The following CEP85L variants were observed in gnomAD, a reference collection of about 807,000 sequenced individuals.
CEP85L encodes centrosomal protein 85L.
Under a neutral mutation model 100.3 loss-of-function variants are expected in CEP85L, and 60 were observed. The ratio of observed to expected loss-of-function variants is 0.60; its 90% CI spans 0.49 to 0.74. CEP85L has a LOEUF of 0.74. Among genes scored for constraint, CEP85L ranks in the 30% least tolerant of loss-of-function variants. The pLI, the probability that CEP85L is intolerant of heterozygous loss-of-function variation, is 0.00. For synonymous variants in CEP85L, 319 were observed against 322.7 expected, an observed-to-expected ratio of 0.99 and a Z score of 0.12; for missense variants, 973 against 936.2, an observed-to-expected ratio of 1.04 and a Z score of -0.51.
intron 1 of CEP85L, among the ~76,000 whole-genome samples, chr6:118,672,032 C>T (rs761250709): frequency 1.6e-4 from 25 of 152,080 alleles, no homozygotes; most frequent in Non-Finnish European, 2.9e-4. Context: ...GTATTATTCT[C>T]TTTTTTTGTT....
At chr6:118,598,901 T>C (rs943712376) in intron 2 of CEP85L, among the ~76,000 whole-genome samples, 1 of 152,088 alleles carries the variant, frequency 6.6e-6, no homozygotes, top group Non-Finnish European at 1.5e-5. Context: ...CTTCTAACTG[T>C]TGGAGAGGGA....
chr6:118,465,151 G>C lies in CEP85L; in HGVS notation c.*254C>G, dbSNP rs1772424690. On this transcript the variant is annotated 3_prime_UTR_variant, in exon 13 of 13. Transcript: ENST00000368491. ...TCACAGCTTGGTCCTACAATCAGTA[G>C]TTTGAGAATATAGACATTTTTTTCC... is the stretch of plus-strand genomic sequence containing the variant. The C allele has an allele frequency of 2.5e-6, 1 of 396,288 alleles. No homozygotes were observed. The highest frequency in any genetic ancestry group is 4.6e-6 in the Non-Finnish European group (1 of 219,084). 24.5% of individuals were successfully genotyped at this position (396,288 alleles called of 1,614,324 possible).
chr6:118,634,195 G>A (rs1025156756), intron 1 of CEP85L, among the ~76,000 whole-genome samples: 2 of 152,084 alleles, frequency 1.3e-5, no homozygotes. Flanking sequence ...AATGCCTTCT[G>A]GCAGTTTAAA....
At chr6:118,556,186 G>A (rs901737635) in intron 3 of CEP85L, among the ~76,000 whole-genome samples, 7 of 152,164 alleles carry the variant, frequency 4.6e-5, no homozygotes, top group African/African-American at 7.2e-5. Flanking sequence ...TTGTTGGGTC[G>A]AATGGTAGTT....
chr6:118,676,797 C>G (rs979984164), intron 1 of CEP85L, among the ~76,000 whole-genome samples: 1 of 152,142 alleles, frequency 6.6e-6, no homozygotes, highest in Admixed American at 6.5e-5. Flanking sequence ...AATTTACATT[C>G]TCATCAACAG....
chr6:118,652,594 A>G, upstream of CEP85L: 1 of 1,484,180 alleles, frequency 6.7e-7, no homozygotes, highest in Non-Finnish European at 9.0e-7. Flanking sequence ...TCTTGCTAAC[A>G]AAGGCCTCAT....
intron 2 of CEP85L, among the ~76,000 whole-genome samples, chr6:118,623,609 C>T (rs1224007139): frequency 1.3e-5 from 2 of 152,114 alleles, no homozygotes; most frequent in Admixed American, 1.3e-4. Context: ...AAAGTATCTC[C>T]CATGGCCACT....
intron 8 of CEP85L, among the ~76,000 whole-genome samples, chr6:118,481,253 T>C (rs1773761527): frequency 6.6e-6 from 1 of 151,848 alleles, no homozygotes; most frequent in Non-Finnish European, 1.5e-5. Flanking sequence ...TTTTTTTTTA[T>C]AAAGCCATTA....
intron 2 of CEP85L, among the ~76,000 whole-genome samples, chr6:118,580,104 G>C (rs1434208528): frequency 6.6e-6 from 1 of 152,132 alleles, no homozygotes; most frequent in Non-Finnish European, 1.5e-5. Context: ...AGCTCCTCCA[G>C]CCTCCTAATA....
intron 1 of CEP85L, among the ~76,000 whole-genome samples, chr6:118,663,292 A>G (rs867139980): frequency 1.3e-5 from 2 of 152,236 alleles, no homozygotes; most frequent in African/African-American, 4.8e-5. Flanking sequence ...GTACATGTGC[A>G]TACAGAAACA....
chr6:118,475,603 C>T (rs142847149), intron 10 of CEP85L, among the ~76,000 whole-genome samples: 3,033 of 152,116 alleles, frequency 0.02, 71 homozygotes, highest in African/African-American at 0.059. Context: ...ATCCGCCTGC[C>T]TCGGCCTCCC....
intron 6 of CEP85L, among the ~76,000 whole-genome samples, chr6:118,488,645 C>T (rs935360978): frequency 2.2e-4 from 34 of 152,048 alleles, no homozygotes; most frequent in African/African-American, 7.7e-4. Flanking sequence ...AAAAACTTCC[C>T]AAATATGTGT....
At chr6:118,680,137 T>G (rs1471569417) in intron 1 of CEP85L, among the ~76,000 whole-genome samples, 3 of 151,798 alleles carry the variant, frequency 2.0e-5, no homozygotes, top group Admixed American at 6.6e-5. Context: ...AAAAAAAAAT[T>G]TAAAAGTATT....
intron 3 of CEP85L, among the ~76,000 whole-genome samples, chr6:118,528,552 G>GCAGTCTTCCTTATGATA (rs1777105220): frequency 6.6e-6 from 1 of 152,076 alleles, no homozygotes; most frequent in Non-Finnish European, 1.5e-5. Flanking sequence ...CAAACCAGCA[G>GCAGTCTTCCTTATGATA]CAGTCTTCCT....
At chr6:118,674,281 T>A (rs1776409542) in intron 1 of CEP85L, among the ~76,000 whole-genome samples, 1 of 152,102 alleles carries the variant, frequency 6.6e-6, no homozygotes, top group South Asian at 2.1e-4. Flanking sequence ...ATCCCAGCAC[T>A]TTGGGAGGCC....
intron 1 of CEP85L, among the ~76,000 whole-genome samples, chr6:118,703,032 T>A (rs1777470283): frequency 6.6e-6 from 1 of 151,202 alleles, no homozygotes; most frequent in Non-Finnish European, 1.5e-5. Flanking sequence ...GAGTTCATTT[T>A]ACCACCCCTT....
At chr6:118,602,353 A>G (rs1781828467) in intron 2 of CEP85L, among the ~76,000 whole-genome samples, 1 of 152,254 alleles carries the variant, frequency 6.6e-6, no homozygotes, top group Non-Finnish European at 1.5e-5. Context: ...GTACAGCAAA[A>G]TAAGTAAAGT....
chr6:118,476,132 C>T (rs12199786), intron 10 of CEP85L, among the ~76,000 whole-genome samples: 2,021 of 152,160 alleles, frequency 0.013, 25 homozygotes, highest in Admixed American at 0.021. Context: ...CGTACAACTC[C>T]CCCCCGCGAC....
At chr6:118,702,649 C>T (rs17694991) in intron 1 of CEP85L, among the ~76,000 whole-genome samples, 29,576 of 152,200 alleles carry the variant, frequency 0.19, 3,769 homozygotes, top group Non-Finnish European at 0.28. Context: ...TTAACATTTT[C>T]CAAGTCTGGT....
Sources: allele counts gnomAD v4.1 joint callset (sites outside exome capture counted in the v4.1 genomes callset), GRCh38; gene constraint gnomAD v4.1.1; transcripts MANE v1.5; gene names NCBI Gene and HGNC (gene_info 2026-07-23, HGNC 2026-07-21).